Variants in CACNB4 observed in about 807,000 individuals in gnomAD.
CACNB4 encodes the protein calcium voltage-gated channel auxiliary subunit beta 4.
In CACNB4, 32 loss-of-function variants were observed where a neutral mutation model predicts 71.2. The ratio of observed to expected loss-of-function variants is 0.45; its 90% CI spans 0.34 to 0.60. The LOEUF is 0.60. Among genes scored for constraint, CACNB4 ranks in the 20% least tolerant of loss-of-function variants. The pLI is 0.01. For missense variants in CACNB4, 464 were observed against 647.9 expected, an observed-to-expected ratio of 0.72 and a Z score of 3.08; for synonymous variants, 231 against 236.9, an observed-to-expected ratio of 0.97 and a Z score of 0.23.
chr2:151,859,863 AG>A (rs1480790199), intron 10 of CACNB4: 1 of 152,242 alleles, frequency 6.6e-6, no homozygotes, highest in Non-Finnish European at 1.5e-5. Context: ...ATGTGATGTT[AG>A]GGCATGCACT....
intron 2 of CACNB4, among the ~76,000 whole-genome samples, chr2:151,977,909 G>T (rs1049716213): frequency 6.6e-6 from 1 of 152,178 alleles, no homozygotes; most frequent in South Asian, 2.1e-4. Context: ...GAATTATTTT[G>T]TTGTTTGTTT....
At chr2:151,849,491 G>A (rs2099838477) in intron 12 of CACNB4, among the ~76,000 whole-genome samples, 1 of 152,176 alleles carries the variant, frequency 6.6e-6, no homozygotes, top group Admixed American at 6.5e-5. Context: ...GCTCAGTGCA[G>A]CCTTGAACTC....
intron 2 of CACNB4, among the ~76,000 whole-genome samples, chr2:152,006,608 C>T (rs967897594): frequency 9.2e-5 from 14 of 152,052 alleles, no homozygotes; most frequent in South Asian, 2.1e-4. Flanking sequence ...GGTGGCCAGG[C>T]GGGTTTCAAA....
rs1559871922 is a variant in CACNB4, at chr2:151,855,383, G to GA, written c.869-9dup. 1.9e-6 allele frequency: 3 copies of GA among 1,570,374 alleles called. No individual in the cohort carries two copies. The African/African-American group carries it at 4.0e-5, about 21-fold the overall frequency. ...TTTCACTTTGTACTTCCGCTTAAAGGAAAAATAATAAATAGATCCCGGTTA... is the reference window on the plus strand; with the variant it reads ...TTTCACTTTGTACTTCCGCTTAAAGGAAAAAATAATAAATAGATCCCGGTTA... On this transcript the variant is annotated splice_polypyrimidine_tract_variant and intron_variant, in intron 10 of 13. Transcript: ENST00000539935.
chr2:151,910,293 T>A (rs1213559325), intron 2 of CACNB4, among the ~76,000 whole-genome samples: 1 of 152,250 alleles, frequency 6.6e-6, no homozygotes, highest in Non-Finnish European at 1.5e-5. Context: ...CATGGGTAGA[T>A]TGCAACAATT....
At chr2:152,062,722 C>G (rs888622085) in intron 2 of CACNB4, among the ~76,000 whole-genome samples, 1 of 152,090 alleles carries the variant, frequency 6.6e-6, no homozygotes, top group Non-Finnish European at 1.5e-5. Context: ...AGAGCCTTTG[C>G]CAATGACAGA....
rs772308885 is a variant in CACNB4 at position 151,914,000 on chromosome 2, C to T, written c.148-30630G>A. On this transcript the variant is annotated intron_variant, in intron 2 of 13. Coordinates refer to ENST00000539935, the MANE Select transcript of CACNB4 (RefSeq NM_000726.5). ...TATCTTAATGATGTTCTCTGTATTT[C>T]CTGAATTTGCACGTTGGCCTGTCTT... Among the ~76,000 whole-genome samples the T allele has an allele frequency of 1.4e-4, 21 of 152,072 alleles. No individual in the cohort carries two copies. The South Asian group carries it at 2.7e-3, about 20-fold the overall frequency.
intron 2 of CACNB4, chr2:151,971,834 G>A: frequency 1.9e-6 from 1 of 525,980 alleles, no homozygotes; most frequent in African/African-American, 1.9e-5. Flanking sequence ...ACTCTCAACT[G>A]AGGATTGGCC....
chr2:152,070,899 C>T (rs1325189836), intron 2 of CACNB4, among the ~76,000 whole-genome samples: 1 of 152,186 alleles, frequency 6.6e-6, no homozygotes, highest in Non-Finnish European at 1.5e-5. Context: ...TCCTGAGTAG[C>T]TGGGACTACA....
chr2:152,044,631 C>T (rs1685054072), intron 2 of CACNB4, among the ~76,000 whole-genome samples: 1 of 152,212 alleles, frequency 6.6e-6, no homozygotes, highest in African/African-American at 2.4e-5. Context: ...TAATTAAAAA[C>T]ATTTAAAGGC....
intron 2 of CACNB4, among the ~76,000 whole-genome samples, chr2:151,974,351 T>TA (rs949123741): frequency 6.6e-6 from 1 of 151,896 alleles, no homozygotes; most frequent in Admixed American, 6.6e-5. Context: ...CAATGAGTCA[T>TA]AAAAAAAATC....
At chr2:152,050,256 T>C (rs1685353387) in intron 2 of CACNB4, among the ~76,000 whole-genome samples, 1 of 152,196 alleles carries the variant, frequency 6.6e-6, no homozygotes, top group South Asian at 2.1e-4. Flanking sequence ...TTCCATCCTT[T>C]TGGCACACTG....
At chr2:151,991,818 A>G (rs563964562) in intron 2 of CACNB4, among the ~76,000 whole-genome samples, 1 of 152,312 alleles carries the variant, frequency 6.6e-6, no homozygotes, top group South Asian at 2.1e-4. Flanking sequence ...TGTAATGGCG[A>G]TTGTCTTAAT....
intron 9 of CACNB4, chr2:151,868,553 T>C (rs1057460829): frequency 6.6e-6 from 1 of 152,152 alleles, no homozygotes; most frequent in African/African-American, 2.4e-5. Flanking sequence ...TAATGGCTAA[T>C]GCCTGAGCCA....
chr2:152,088,153 A>ATG, intron 2 of CACNB4, among the ~76,000 whole-genome samples: 1 of 150,536 alleles, frequency 6.6e-6, no homozygotes, highest in Non-Finnish European at 1.5e-5. Context: ...ACACACACAC[A>ATG]CACACACACA....
At chr2:151,951,945 TG>T (rs1560056825) in intron 2 of CACNB4, among the ~76,000 whole-genome samples, 1 of 152,206 alleles carries the variant, frequency 6.6e-6, no homozygotes, top group African/African-American at 2.4e-5. Flanking sequence ...CATAATTGAA[TG>T]GCCTGGAGGC....
chr2:151,908,625 T>C (rs961080957), intron 2 of CACNB4, among the ~76,000 whole-genome samples: 1 of 152,158 alleles, frequency 6.6e-6, no homozygotes, highest in African/African-American at 2.4e-5. Context: ...CATCTGTAGA[T>C]AAAAAGCCAA....
At chr2:152,086,409 A>C (rs1432930019) in intron 2 of CACNB4, among the ~76,000 whole-genome samples, 2 of 152,190 alleles carry the variant, frequency 1.3e-5, no homozygotes, top group Non-Finnish European at 2.9e-5. Context: ...TCTCCCACAC[A>C]ACTGTGTTGA....
chr2:151,870,815 T>C (rs1400746266), intron 7 of CACNB4, 27 bp downstream of exon 7: 4 of 1,579,820 alleles, frequency 2.5e-6, no homozygotes, highest in Non-Finnish European at 3.5e-6. Context: ...ACCTTAACAG[T>C]AGATTTAAAA....
Sources: allele counts gnomAD v4.1 joint callset (sites outside exome capture counted in the v4.1 genomes callset), GRCh38; gene constraint gnomAD v4.1.1; transcripts MANE v1.5; gene names NCBI Gene and HGNC (gene_info 2026-07-23, HGNC 2026-07-21).